Variants in NEBL observed in about 807,000 individuals in gnomAD.
The protein encoded by NEBL is LIM and SH3 protein 2.
In NEBL, 122 loss-of-function variants were observed where a neutral mutation model predicts 140.2. That is an observed-to-expected ratio of 0.87 (90% confidence interval 0.75 to 1.01). The LOEUF (loss-of-function observed/expected upper bound fraction) is 1.01, where lower values mean the gene tolerates loss of function less well. Among genes scored for constraint, NEBL ranks in the 50% least tolerant of loss-of-function variants. The probability of loss-of-function intolerance (pLI) is 0.00; values close to 1 mark genes in which losing one functional copy is unlikely to be tolerated. For missense variants in NEBL, 1,365 were observed against 1,231.3 expected, an observed-to-expected ratio of 1.11 and a Z score of -1.62; for synonymous variants, 436 against 398.9, an observed-to-expected ratio of 1.09 and a Z score of -1.11.
intron 2 of NEBL, among the ~76,000 whole-genome samples, chr10:21,059,167 C>A (rs1051439389): frequency 6.6e-6 from 1 of 152,208 alleles, no homozygotes; most frequent in Non-Finnish European, 1.5e-5. Flanking sequence ...CTCACTTGTT[C>A]AGCCTAAGCA....
At chr10:21,139,439 A>C (rs1163311176) in intron 2 of NEBL, among the ~76,000 whole-genome samples, 3 of 152,208 alleles carry the variant, frequency 2.0e-5, no homozygotes, top group African/African-American at 7.2e-5. Context: ...AAATCAGAGG[A>C]AAGAAGAACA....
intron 2 of NEBL, among the ~76,000 whole-genome samples, chr10:21,046,006 T>TAC (rs61617438): frequency 0.58 from 87,290 of 150,094 alleles, 25,252 homozygotes; most frequent in Admixed American, 0.62. Flanking sequence ...AAAAATGTGG[T>TAC]ACACACACAC....
At chr10:21,094,225 G>A (rs889290583) in intron 2 of NEBL, among the ~76,000 whole-genome samples, 13 of 152,106 alleles carry the variant, frequency 8.5e-5, no homozygotes, top group Non-Finnish European at 1.2e-4. Flanking sequence ...GGTGTAGGCC[G>A]GAGACGGTGG....
intron 3 of NEBL, among the ~76,000 whole-genome samples, chr10:21,205,558 T>C (rs1482111906): frequency 6.6e-6 from 1 of 152,102 alleles, no homozygotes; most frequent in Non-Finnish European, 1.5e-5. Context: ...CAGAACAATA[T>C]AGATCCCATT....
At chr10:20,929,260 A>AATAT (rs57452633) in intron 4 of NEBL, among the ~76,000 whole-genome samples, 1,679 of 148,936 alleles carry the variant, frequency 0.011, 26 homozygotes, top group African/African-American at 0.034. Flanking sequence ...GAGAGATATA[A>AATAT]ATATATATAT....
intron 2 of NEBL, chr10:21,146,270 C>G: frequency 8.1e-7 from 1 of 1,228,534 alleles, no homozygotes; most frequent in South Asian, 1.5e-5. Flanking sequence ...CAGGCAGCAT[C>G]ATTTACATCA....
chr10:21,110,734 A>C (rs1437860054), intron 2 of NEBL: 1 of 504,132 alleles, frequency 2.0e-6, no homozygotes, highest in East Asian at 4.7e-5. Context: ...CAGAACCAAC[A>C]AAGATTATCG....
intron 2 of NEBL, among the ~76,000 whole-genome samples, chr10:21,101,383 C>G (rs1267770670): frequency 1.3e-5 from 2 of 152,150 alleles, no homozygotes; most frequent in Non-Finnish European, 2.9e-5. Flanking sequence ...CTAAAACAAT[C>G]CACGCAGAAG....
chr10:20,816,611 G>A (rs982231074), intron 21 of NEBL, among the ~76,000 whole-genome samples: 1 of 152,156 alleles, frequency 6.6e-6, no homozygotes. Flanking sequence ...CTGGTAAAAT[G>A]ACTTTAAAGG....
chr10:20,954,004 G>A (rs938291025), intron 4 of NEBL, among the ~76,000 whole-genome samples: 4 of 146,328 alleles, frequency 2.7e-5, no homozygotes, highest in African/African-American at 1.0e-4. Context: ...AAAGTGGATG[G>A]GATGGCAAAC....
At chr10:20,859,674 A>G in intron 8 of NEBL, 39 bp downstream of exon 8, 1 of 1,355,436 alleles carries the variant, frequency 7.4e-7, no homozygotes, top group Non-Finnish European at 1.1e-6. Context: ...ACAAGAATCA[A>G]AAGATTTTGA....
At chr10:20,909,199 A>T (rs1848226431) in intron 4 of NEBL, among the ~76,000 whole-genome samples, 1 of 151,692 alleles carries the variant, frequency 6.6e-6, no homozygotes, top group Non-Finnish European at 1.5e-5. Flanking sequence ...TTAAGTTATT[A>T]TTGACAGTCA....
intron 4 of NEBL, among the ~76,000 whole-genome samples, chr10:20,932,250 T>C (rs1834228828): frequency 6.6e-6 from 1 of 152,212 alleles, no homozygotes; most frequent in Non-Finnish European, 1.5e-5. Context: ...TAAAAAAGAA[T>C]GAGTTCATGT....
chr10:21,034,757 C>T (rs1348124126), intron 2 of NEBL, among the ~76,000 whole-genome samples: 3 of 151,914 alleles, frequency 2.0e-5, no homozygotes, highest in Admixed American at 6.6e-5. Context: ...TTTTCAGGAT[C>T]GATGCACTGA....
rs536177823 is a variant in NEBL at position 21,036,315 on chromosome 10, G to A, written c.165-16114C>T. 3.9e-5 allele frequency among the ~76,000 whole-genome samples: 6 copies of A among 152,056 alleles called. No homozygotes were observed. The East Asian group carries it at 5.8e-4, about 15-fold the overall frequency. ...CAAAAAATTCTCAAATTAGCCAGGC[G>A]TGCTGGTGTACACCTCTGGTCCCAG... On this transcript the variant is annotated intron_variant, in intron 2 of 6. Transcript: ENST00000417816.
upstream of NEBL, among the ~76,000 whole-genome samples, chr10:20,898,431 T>G (rs1031301987): frequency 8.4e-6 from 1 of 119,408 alleles, no homozygotes; most frequent in Non-Finnish European, 1.8e-5. Context: ...ATATCTAGTT[T>G]TCAATGTACT....
intron 3 of NEBL, among the ~76,000 whole-genome samples, chr10:21,209,668 T>TC (rs1250426878): frequency 1.0e-4 from 15 of 146,514 alleles, no homozygotes; most frequent in African/African-American, 4.0e-4. Context: ...TTTCTTTTTT[T>TC]TTTTTTTCTT....
chr10:21,244,525 G>A (rs953234075), intron 3 of NEBL, among the ~76,000 whole-genome samples: 3 of 151,528 alleles, frequency 2.0e-5, no homozygotes, highest in East Asian at 4.0e-4. Flanking sequence ...GGTGGCCGGC[G>A]CCTGTAATCC....
chr10:21,019,916 CTG>C (rs1188924584), intron 3 of NEBL, among the ~76,000 whole-genome samples: 1 of 152,216 alleles, frequency 6.6e-6, no homozygotes, highest in African/African-American at 2.4e-5. Flanking sequence ...AATAACAAAA[CTG>C]AGAATATCAG....
Sources: allele counts gnomAD v4.1 joint callset (sites outside exome capture counted in the v4.1 genomes callset), GRCh38; gene constraint gnomAD v4.1.1; transcripts MANE v1.5; gene names NCBI Gene and HGNC (gene_info 2026-07-23, HGNC 2026-07-21).